PKIG: variants seen among roughly 807,000 people sequenced by gnomAD.
The protein encoded by PKIG is protein kinase (cAMP-dependent, catalytic) inhibitor gamma.
In PKIG, 1 loss-of-function variant was observed where a neutral mutation model predicts 6.8. The ratio of observed to expected loss-of-function variants is 0.15; its 90% CI spans 0.05 to 0.69. The LOEUF is 0.69. Among genes scored for constraint, PKIG ranks in the 30% least tolerant of loss-of-function variants. The probability of loss-of-function intolerance (pLI) is 0.82; values close to 1 mark genes in which losing one functional copy is unlikely to be tolerated. For missense variants in PKIG, 77 were observed against 104.0 expected (o/e 0.74, Z 1.13); for synonymous variants, 39 against 43.0 (o/e 0.91, Z 0.36).
upstream of PKIG, among the ~76,000 whole-genome samples, chr20:44,578,787 C>T (rs188730218): frequency 2.2e-3 from 330 of 152,296 alleles, 1 homozygote; most frequent in African/African-American, 7.5e-3. Flanking sequence ...TCAATCTGTG[C>T]CTGTGATTTT....
chr20:44,543,368 A>G lies in PKIG; in HGVS notation c.-241+11390A>G, dbSNP rs1473718309. Among the ~76,000 whole-genome samples, 12 of 152,142 alleles carry G rather than the reference A, an allele frequency of 7.9e-5. 1 individual carries two copies. The highest frequency in any genetic ancestry group is 7.9e-4 in the Admixed American group (12 of 15,280). ...CAAAAAGCACTTCTAAAATAACTCA[A>G]TATTTGCAAACTTACTCTATAGTAA... On this transcript the variant is annotated intron_variant, in intron 1 of 4. Coordinates refer to the PKIG transcript ENST00000372887.
At chr20:44,588,247 A>C (rs1050458099) in intron 1 of PKIG, among the ~76,000 whole-genome samples, 3 of 152,228 alleles carry the variant, frequency 2.0e-5, no homozygotes, top group South Asian at 4.1e-4. Context: ...CTTTACCTGC[A>C]TGAAGTTTAC....
At chr20:44,581,453 A>G (rs1719910562), upstream of PKIG, among the ~76,000 whole-genome samples, 1 of 152,200 alleles carries the variant, frequency 6.6e-6, no homozygotes, top group Admixed American at 6.5e-5. Flanking sequence ...TCAGATCCAC[A>G]TCTGTGGCTC....
intron 2 of PKIG, among the ~76,000 whole-genome samples, chr20:44,601,002 G>A (rs556860745): frequency 6.6e-5 from 10 of 152,260 alleles, no homozygotes; most frequent in African/African-American, 2.4e-4. Context: ...GGAGCAAACA[G>A]AAGAGACTGG....
At chr20:44,563,920 A>T (rs1474557357) in intron 1 of PKIG, among the ~76,000 whole-genome samples, 2 of 152,174 alleles carry the variant, frequency 1.3e-5, no homozygotes, top group Admixed American at 1.3e-4. Context: ...CTAGCCTGAC[A>T]TTTGATTTTT....
intron 1 of PKIG, among the ~76,000 whole-genome samples, chr20:44,558,571 C>CTTTCT (rs1555835141): frequency 1.1e-4 from 14 of 126,288 alleles, no homozygotes; most frequent in African/African-American, 4.8e-4. Flanking sequence ...TTCTTTTTTT[C>CTTTCT]TTTTTTCTTT....
chr20:44,560,631 A>C (rs920936610), intron 1 of PKIG, among the ~76,000 whole-genome samples: 1 of 152,218 alleles, frequency 6.6e-6, no homozygotes, highest in African/African-American at 2.4e-5. Context: ...CAGATAAACC[A>C]CTTTTTTAGT....
chr20:44,536,563 G>C (rs1414131421), intron 1 of PKIG, among the ~76,000 whole-genome samples: 1 of 152,182 alleles, frequency 6.6e-6, no homozygotes, highest in Non-Finnish European at 1.5e-5. Flanking sequence ...CCTGGCCTCT[G>C]GTGGGAAGGG....
At chr20:44,575,525 A>G (rs2064889724) in intron 1 of PKIG, among the ~76,000 whole-genome samples, 2 of 152,194 alleles carry the variant, frequency 1.3e-5, no homozygotes, top group Non-Finnish European at 2.9e-5. Context: ...GACTTCTTTA[A>G]GGGGATAGGT....
Position 44,617,907 on chromosome 20 carries a change from AC to A in PKIG, c.152-377del, listed in dbSNP as rs762662645. ...TAAAAATACAAAAATTAAAAAAAAA[AC>A]AAACAAACAGAACAGCTGCCATTTG... On this transcript the variant is annotated intron_variant, in intron 3 of 3. Coordinates refer to ENST00000372886, the MANE Select transcript of PKIG (RefSeq NM_001281445.2). Among the ~76,000 whole-genome samples the A allele has an allele frequency of 2.4e-3, 364 of 151,536 alleles. 2 individuals are homozygous for A. Among genetic ancestry groups the A allele is most frequent in the African/African-American group, 7.5e-3 (309 of 41,288 alleles).
intron 1 of PKIG, among the ~76,000 whole-genome samples, chr20:44,543,684 C>T (rs909351907): frequency 1.3e-5 from 2 of 152,242 alleles, no homozygotes; most frequent in South Asian, 2.1e-4. Flanking sequence ...TTGGCTTCTT[C>T]CTCAGGCTAG....
At chr20:44,536,379 C>G (rs2064512334) in intron 1 of PKIG, among the ~76,000 whole-genome samples, 1 of 151,548 alleles carries the variant, frequency 6.6e-6, no homozygotes, top group Non-Finnish European at 1.5e-5. Flanking sequence ...CCTTCATAAT[C>G]AGAAAAAAAA....
At chr20:44,577,805 A>G (rs552188074), upstream of PKIG, among the ~76,000 whole-genome samples, 6 of 152,236 alleles carry the variant, frequency 3.9e-5, no homozygotes, top group East Asian at 9.7e-4. Context: ...CTTTATTCAT[A>G]TACTCCTTCA....
At position 44,618,536 on chromosome 20, in the gene PKIG, T is replaced by C; in HGVS notation, c.*172T>C. On this transcript the variant is annotated 3_prime_UTR_variant, in exon 4 of 4. Transcript: ENST00000372886. ...TGGCCTCCACTCCGGGAAAGCCCTCTGCCCACACCCACAGGCTTCACATTC... is the reference window on the plus strand; with the variant it reads ...TGGCCTCCACTCCGGGAAAGCCCTCCGCCCACACCCACAGGCTTCACATTC... 1.7e-6 allele frequency: 1 copy of C among 581,466 alleles called. No individual in the cohort carries two copies. The highest frequency in any genetic ancestry group is 1.9e-5 in the South Asian group (1 of 52,476). 36.0% of individuals were successfully genotyped at this position (581,466 alleles called of 1,614,324 possible). A position where few individuals can be genotyped will look rare whatever the true frequency, so the allele number is the denominator to read the frequency against.
intron 1 of PKIG, among the ~76,000 whole-genome samples, chr20:44,559,087 G>A (rs2064744656): frequency 1.3e-5 from 2 of 152,048 alleles, no homozygotes; most frequent in Non-Finnish European, 2.9e-5. Flanking sequence ...CATCTCATCT[G>A]CCTGTTTTTC....
At chr20:44,587,395 G>A (rs896153105) in intron 1 of PKIG, among the ~76,000 whole-genome samples, 1 of 152,146 alleles carries the variant, frequency 6.6e-6, no homozygotes, top group Non-Finnish European at 1.5e-5. Context: ...TGCCCCTGCT[G>A]AAGCACTCAT....
At chr20:44,582,197 G>T (rs897008736), upstream of PKIG, among the ~76,000 whole-genome samples, 1 of 151,902 alleles carries the variant, frequency 6.6e-6, no homozygotes. Flanking sequence ...GTGGGGTGGG[G>T]TGAAGATCTC....
intron 2 of PKIG, among the ~76,000 whole-genome samples, chr20:44,610,409 T>G (rs1011048070): frequency 1.3e-5 from 2 of 152,062 alleles, no homozygotes; most frequent in Non-Finnish European, 2.9e-5. Flanking sequence ...CTAGGTGTTG[T>G]GGGGGGATGT....
intron 1 of PKIG, among the ~76,000 whole-genome samples, chr20:44,564,848 A>G (rs1051723959): frequency 2.6e-4 from 39 of 152,238 alleles, no homozygotes; most frequent in Admixed American, 7.2e-4. Context: ...TATAGGAGAA[A>G]ACAGACCTTC....
Sources: gnomAD v4.1 joint callset for allele counts (sites outside exome capture counted in the v4.1 genomes callset) on GRCh38, gnomAD v4.1.1 for gene constraint, MANE v1.5 for transcripts, NCBI Gene and HGNC (gene_info 2026-07-23, HGNC 2026-07-21) for gene names.